Variants in NEDD4 observed in about 807,000 individuals in gnomAD.
NEDD4 encodes NEDD4 E3 ubiquitin protein ligase.
In NEDD4, 99 loss-of-function variants were observed where a neutral mutation model predicts 144.9. The observed-to-expected ratio is 0.68, with a 90% confidence interval of 0.58 to 0.81. NEDD4 has a LOEUF of 0.81. Ranked by LOEUF, NEDD4 falls within the 30% of genes least tolerant of loss-of-function variation. The pLI is 0.00. For synonymous variants in NEDD4, 318 were observed against 350.6 expected (o/e 0.91, Z 1.04); for missense variants, 985 against 1,065.9 (o/e 0.92, Z 1.06).
Position 55,946,604 on chromosome 15 carries a change from A to G in NEDD4, c.237+4772T>C, listed in dbSNP as rs566389328. Among the ~76,000 whole-genome samples, 12 of 152,338 alleles carry G rather than the reference A, an allele frequency of 7.9e-5. No individual in the cohort carries two copies. In the East Asian group the frequency reaches 2.1e-3, roughly 27 times the overall value. On this transcript the variant is annotated intron_variant, in intron 4 of 28. Transcript: ENST00000435532. ...TCAACATTAGACAGATCAATGAGACAGAAAGTTAACAAGGATATCCAGGAA... is the reference window on the plus strand; with the variant it reads ...TCAACATTAGACAGATCAATGAGACGGAAAGTTAACAAGGATATCCAGGAA...
In NEDD4 at chr15:55,832,993, A is replaced by T. The variant is rs1294461972; in HGVS notation, c.2527+15T>A. 6.4e-7 allele frequency: 1 copy of T among 1,570,552 alleles called. No homozygotes were observed. Among genetic ancestry groups the T allele is most frequent in the Admixed American group, 1.8e-5 (1 of 56,788 alleles). ...CATTATTCCATTTTTTTAATGATCT[A>T]TGGAAAATCCTTACCGTATAGTTCA... On this transcript the variant is annotated intron_variant, in intron 27 of 28. Transcript: ENST00000435532.
chr15:55,970,751 T>A (rs1340508297), intron 1 of NEDD4, among the ~76,000 whole-genome samples: 1 of 152,228 alleles, frequency 6.6e-6, no homozygotes, highest in African/African-American at 2.4e-5. Flanking sequence ...TATGCTCACA[T>A]ATGGCTTCAG....
Position 55,838,595 on chromosome 15 carries a change from A to G in NEDD4, c.2041T>C (p.Tyr681His). 2.5e-6 allele frequency: 4 copies of G among 1,607,406 alleles called. No individual in the cohort carries two copies. Among genetic ancestry groups the G allele is most frequent in the Non-Finnish European group, 3.4e-6 (4 of 1,174,698 alleles). Residue 681 changes from tyrosine (Y) to histidine (H), a missense_variant, in exon 22 of 29, where the codon TAT becomes CAT. By Grantham distance (83) the Tyr-to-His change is moderately conservative (BLOSUM62 2). Transcript: ENST00000435532. Reference sequence around the variant, plus strand: ...AGAATCCATCTTAGGGAATTGTAATATTCACTATCCTAGATGGGAAAAATT... The same window carrying G: ...AGAATCCATCTTAGGGAATTGTAATGTTCACTATCCTAGATGGGAAAAATT... ...LHDMESVDSE[Y>H]YNSLRWILEN...
At chr15:55,875,257 G>A (rs2034954749) in intron 5 of NEDD4, among the ~76,000 whole-genome samples, 1 of 152,068 alleles carries the variant, frequency 6.6e-6, no homozygotes, top group Admixed American at 6.6e-5. Flanking sequence ...GAAAAGATGG[G>A]GAACCTCAGC....
At chr15:55,967,838 T>C (rs1233811802) in intron 1 of NEDD4, among the ~76,000 whole-genome samples, 1 of 151,916 alleles carries the variant, frequency 6.6e-6, no homozygotes, top group African/African-American at 2.4e-5. Context: ...ATAGGCAATA[T>C]AACAAGACCC....
chr15:55,933,341 T>TTA lies in NEDD4; in HGVS notation c.238-8643_238-8642insTA, dbSNP rs553240453. On this transcript the variant is annotated intron_variant, in intron 4 of 28. Transcript: ENST00000435532. ...GTGGCAGATATACACTGTGGAATAC[T>TTA]ACTCATCCATAAAAAAGGATGAGTT... 7.2e-5 allele frequency among the ~76,000 whole-genome samples: 11 copies of TTA among 152,228 alleles called. No individual in the cohort carries two copies. In the East Asian group the frequency reaches 2.1e-3, roughly 29 times the overall value.
chr15:55,884,679 T>C (rs769774443), intron 5 of NEDD4, among the ~76,000 whole-genome samples: 40 of 151,990 alleles, frequency 2.6e-4, no homozygotes, highest in Non-Finnish European at 4.4e-4. Flanking sequence ...CATCAGAGTC[T>C]GTTAATATCA....
chr15:55,986,442 GATGC>G (rs2037892198), intron 1 of NEDD4, among the ~76,000 whole-genome samples: 4 of 152,130 alleles, frequency 2.6e-5, no homozygotes, highest in Admixed American at 2.6e-4. Flanking sequence ...CCCCTGGTGT[GATGC>G]ATGCGAAGAA....
At chr15:55,981,646 G>C (rs1046920687) in intron 1 of NEDD4, among the ~76,000 whole-genome samples, 1 of 152,136 alleles carries the variant, frequency 6.6e-6, no homozygotes, top group Non-Finnish European at 1.5e-5. Context: ...GAAATATCCA[G>C]AATCCTTGGA....
chr15:55,947,299 G>C (rs1344430051), intron 4 of NEDD4, among the ~76,000 whole-genome samples: 1 of 151,514 alleles, frequency 6.6e-6, no homozygotes, highest in African/African-American at 2.4e-5. Flanking sequence ...GAATCAAATA[G>C]ACGCAATAAA....
At chr15:55,947,038 G>T (rs1296610107) in intron 4 of NEDD4, among the ~76,000 whole-genome samples, 3 of 152,100 alleles carry the variant, frequency 2.0e-5, no homozygotes, top group African/African-American at 7.2e-5. Flanking sequence ...AGCACTAAAT[G>T]CCCACAAGAG....
chr15:55,832,605 G>C (rs1254915540), intron 27 of NEDD4, among the ~76,000 whole-genome samples: 2 of 152,018 alleles, frequency 1.3e-5, no homozygotes, highest in African/African-American at 4.8e-5. Context: ...GGGTAGAGAC[G>C]GGGTTTCACT....
intron 23 of NEDD4, 73 bp from the exon 24 acceptor site, chr15:55,837,922 A>G: frequency 7.8e-7 from 1 of 1,274,148 alleles, no homozygotes; most frequent in Non-Finnish European, 1.1e-6. Flanking sequence ...CTAGTTAGAA[A>G]CAAAAACTAA....
chr15:55,921,599 G>A (rs1239570461), intron 5 of NEDD4, among the ~76,000 whole-genome samples: 2 of 152,030 alleles, frequency 1.3e-5, no homozygotes, highest in Non-Finnish European at 1.5e-5. Context: ...TGATCCACCC[G>A]CCTCAGCCTC....
intron 5 of NEDD4, among the ~76,000 whole-genome samples, chr15:55,904,893 G>A (rs1214188976): frequency 1.3e-5 from 2 of 151,982 alleles, no homozygotes; most frequent in African/African-American, 4.8e-5. Flanking sequence ...GGGAGTTTGA[G>A]ACTAGCCTGA....
intron 7 of NEDD4, among the ~76,000 whole-genome samples, chr15:55,870,317 C>T (rs1386925915): frequency 6.6e-6 from 1 of 152,124 alleles, no homozygotes; most frequent in African/African-American, 2.4e-5. Flanking sequence ...AGGGCAAGGC[C>T]TGATCAGTGT....
chr15:55,974,891 CTTTTTTTTTT>C (rs56285555), intron 1 of NEDD4, among the ~76,000 whole-genome samples: 1 of 75,700 alleles, frequency 1.3e-5, no homozygotes, highest in Non-Finnish European at 2.5e-5. Flanking sequence ...CTTTTCCTTT[CTTTTTTTTTT>C]TTTTTTTTTT....
intron 5 of NEDD4, among the ~76,000 whole-genome samples, chr15:55,902,514 C>T (rs1177706431): frequency 2.0e-5 from 3 of 151,832 alleles, no homozygotes; most frequent in East Asian, 1.9e-4. Context: ...AAAGGAGAAG[C>T]GAGGAGGAGA....
At position 55,951,396 on chromosome 15, in the gene NEDD4, T is replaced by C; in HGVS notation, c.217A>G (p.Asn73Asp). The C allele has an allele frequency of 9.9e-7, 1 of 1,005,582 alleles. No homozygotes were observed. Among genetic ancestry groups the C allele is most frequent in the Non-Finnish European group, 1.5e-6 (1 of 687,488 alleles). 62.3% of individuals were successfully genotyped at this position (1,005,582 alleles called of 1,614,324 possible). A position where few individuals can be genotyped will look rare whatever the true frequency, so the allele number is the denominator to read the frequency against. ...TIKKSLNPKW[N>D]EEILFRVHPQ... Reference sequence around the variant, plus strand: ...CTTACTCTGAATAATATTTCTTCATTCCACTTTGGATTCAAACTCTAAAAA... The same window carrying C: ...CTTACTCTGAATAATATTTCTTCATCCCACTTTGGATTCAAACTCTAAAAA... Residue 73 changes from asparagine to aspartate, a missense_variant, in exon 4 of 29, where the codon AAT becomes GAT. Coordinates refer to ENST00000435532, the MANE Select transcript of NEDD4 (RefSeq NM_006154.4).
Sources: allele counts gnomAD v4.1 joint callset (sites outside exome capture counted in the v4.1 genomes callset), GRCh38; gene constraint gnomAD v4.1.1; transcripts MANE v1.5; gene names NCBI Gene and HGNC (gene_info 2026-07-23, HGNC 2026-07-21).